Variants in TMEM144 observed in about 807,000 individuals in gnomAD.
TMEM144 encodes transmembrane protein 144.
Under a neutral mutation model 43.6 loss-of-function variants are expected in TMEM144, and 39 were observed. The ratio of observed to expected loss-of-function variants is 0.90; its 90% CI spans 0.69 to 1.17. The LOEUF (loss-of-function observed/expected upper bound fraction) is 1.17. TMEM144 is among the 50% of genes most tolerant of loss of function. The pLI, the probability that TMEM144 is intolerant of heterozygous loss-of-function variation, is 0.00. For synonymous variants in TMEM144, 154 were observed against 133.6 expected, an observed-to-expected ratio of 1.15 and a Z score of -1.06; for missense variants, 417 against 411.9, an observed-to-expected ratio of 1.01 and a Z score of -0.11.
intron 4 of TMEM144, among the ~76,000 whole-genome samples, chr4:158,216,860 A>G (rs1734248056): frequency 6.6e-6 from 1 of 152,126 alleles, no homozygotes; most frequent in Admixed American, 6.6e-5. Context: ...TTTGGCCCTC[A>G]GTGACCCTCA....
chr4:158,229,915 T>A (rs978206328), intron 6 of TMEM144, among the ~76,000 whole-genome samples: 1 of 151,784 alleles, frequency 6.6e-6, no homozygotes, highest in African/African-American at 2.4e-5. Flanking sequence ...CCAGGGAGCT[T>A]AGCGTGTTAG....
chr4:158,217,291 A>G (rs1454325298), intron 4 of TMEM144, 30 bp from the exon 5 acceptor site: 1 of 1,410,136 alleles, frequency 7.1e-7, no homozygotes, highest in Admixed American at 1.8e-5. Context: ...TATGGAAATA[A>G]CATGTTTCTT....
chr4:158,217,767 TC>T (rs1734301660), intron 5 of TMEM144, among the ~76,000 whole-genome samples: 2 of 152,164 alleles, frequency 1.3e-5, no homozygotes, highest in Admixed American at 1.3e-4. Flanking sequence ...GTAAGCACTA[TC>T]TTATAAGAGA....
intron 8 of TMEM144, chr4:158,237,226 A>T: frequency 3.8e-6 from 1 of 263,144 alleles, no homozygotes; most frequent in Non-Finnish European, 7.2e-6. Flanking sequence ...TGTACAATAT[A>T]ACTGTAGCAA....
At chr4:158,248,425 A>G (rs1253415726) in intron 12 of TMEM144, among the ~76,000 whole-genome samples, 4 of 152,188 alleles carry the variant, frequency 2.6e-5, no homozygotes, top group Non-Finnish European at 5.9e-5. Context: ...CTCTGTCTCA[A>G]AATAACTAAC....
At chr4:158,245,791 G>A (rs2111149920) in intron 12 of TMEM144, among the ~76,000 whole-genome samples, 1 of 152,104 alleles carries the variant, frequency 6.6e-6, no homozygotes, top group East Asian at 1.9e-4. Context: ...AGCCAGGTGT[G>A]GTGAGGAACA....
In TMEM144 at chr4:158,253,735, T is replaced by C; in HGVS notation, c.*208T>C. On this transcript the variant is annotated 3_prime_UTR_variant, in exon 13 of 13. Transcript: ENST00000296529. ...GTATAAAAATGAAAATTTCTTCTGA[T>C]GAACTGTTTATGAAGGTAGTACTTT... The C allele has an allele frequency of 1.8e-6, 1 of 547,320 alleles. No homozygotes were observed. Among genetic ancestry groups the C allele is most frequent in the Middle Eastern group, 3.8e-4 (1 of 2,648 alleles). The allele number at this position is 547,320 out of a possible 1,614,324, so 33.9% of individuals were successfully genotyped here.
At chr4:158,211,106 G>T (rs1459502035) in intron 1 of TMEM144, 1 of 152,166 alleles carries the variant, frequency 6.6e-6, no homozygotes, top group Non-Finnish European at 1.5e-5. Flanking sequence ...CCTTTTTAAA[G>T]ACAGTAAGTT....
chr4:158,219,248 T>G (rs1438408934), intron 5 of TMEM144, 62 bp from the exon 6 acceptor site: 4 of 1,566,144 alleles, frequency 2.6e-6, no homozygotes, highest in Non-Finnish European at 3.5e-6. Flanking sequence ...GTCCATGCCC[T>G]TAAACATTAT....
chr4:158,239,406 G>A (rs1735513377), intron 9 of TMEM144, among the ~76,000 whole-genome samples: 1 of 152,218 alleles, frequency 6.6e-6, no homozygotes, highest in African/African-American at 2.4e-5. Context: ...AGTCAGTGGA[G>A]TTGGGATTTT....
At position 158,245,007 on chromosome 4, in the gene TMEM144, T is replaced by G. The variant is rs546335072; in HGVS notation, c.954+658T>G. 1.1e-4 allele frequency among the ~76,000 whole-genome samples: 16 copies of G among 152,268 alleles called. No homozygotes were observed. The South Asian group carries it at 3.3e-3, about 32-fold the overall frequency. On this transcript the variant is annotated intron_variant, in intron 12 of 12. Coordinates refer to ENST00000296529, the MANE Select transcript of TMEM144 (RefSeq NM_018342.5). Reference sequence around the variant, plus strand: ...TGATAAACAAGATGAAAGATTTTTTTTTTATCCTAAAGGTTAAAGTATCCC... The same window carrying G: ...TGATAAACAAGATGAAAGATTTTTTGTTTATCCTAAAGGTTAAAGTATCCC...
At chr4:158,216,079 G>T (rs534443509) in intron 4 of TMEM144, among the ~76,000 whole-genome samples, 1 of 152,176 alleles carries the variant, frequency 6.6e-6, no homozygotes, top group Admixed American at 6.5e-5. Flanking sequence ...AAAAGAATTC[G>T]CTTTTAAATT....
At chr4:158,244,656 C>T (rs560567439) in intron 12 of TMEM144, among the ~76,000 whole-genome samples, 8 of 152,070 alleles carry the variant, frequency 5.3e-5, no homozygotes, top group East Asian at 3.9e-4. Flanking sequence ...GGCAAAAGAG[C>T]GAGACTCCAT....
At position 158,215,237 on chromosome 4, in the gene TMEM144, C is replaced by T. The variant is rs149733307; in HGVS notation, c.156C>T (p.Ala52=). ...TTTGTGCTGCCATATGGTTGGTTGC[C>T]TTGGTTGTCAATCTGATATTACATT... ...WVLCAAIWLV[A]LVVNLILHCP... is the part of the protein sequence containing the mutation. The change falls in exon 4 of 13, where the codon GCC becomes GCT. Residue 52 remains alanine, a synonymous_variant. Coordinates refer to ENST00000296529, the MANE Select transcript of TMEM144 (RefSeq NM_018342.5). 1.7e-4 allele frequency: 279 copies of T among 1,613,770 alleles called. No homozygotes were observed. In the Middle Eastern group the frequency reaches 1.8e-3, roughly 10 times the overall value.
chr4:158,216,755 G>T (rs1432706441), intron 4 of TMEM144, among the ~76,000 whole-genome samples: 2 of 152,076 alleles, frequency 1.3e-5, no homozygotes, highest in South Asian at 2.1e-4. Flanking sequence ...AAAAACAGGA[G>T]GAGACTCAAG....
intron 12 of TMEM144, among the ~76,000 whole-genome samples, chr4:158,249,933 T>C (rs1352514086): frequency 7.4e-6 from 1 of 135,986 alleles, no homozygotes; most frequent in Non-Finnish European, 1.6e-5. Flanking sequence ...TGTGTGTGTG[T>C]TTAAATAAGC....
chr4:158,225,816 C>T (rs906453714), intron 6 of TMEM144, among the ~76,000 whole-genome samples: 1 of 152,246 alleles, frequency 6.6e-6, no homozygotes, highest in African/African-American at 2.4e-5. Context: ...TCCTCCCTGT[C>T]GTGAGAGACA....
At chr4:158,225,217 T>C (rs1734703888) in intron 6 of TMEM144, among the ~76,000 whole-genome samples, 1 of 152,158 alleles carries the variant, frequency 6.6e-6, no homozygotes, top group Non-Finnish European at 1.5e-5. Context: ...GTCTAGTTGT[T>C]TTTTTTAGAG....
In TMEM144 at chr4:158,212,601, A is replaced by AT; in HGVS notation, c.-60-4dup. On this transcript the variant is annotated splice_region_variant and splice_polypyrimidine_tract_variant and intron_variant, in intron 2 of 12. Coordinates refer to ENST00000296529, the MANE Select transcript of TMEM144 (RefSeq NM_018342.5). ...TCTCAATTGTTTCATTTTTTCTTTT[A>AT]TTTCAGAAGCTCCTGAAAAGTACAT... is the stretch of plus-strand genomic sequence containing the variant. 1 of 1,157,582 alleles carries AT rather than the reference A, an allele frequency of 8.6e-7. No homozygotes were observed. 71.7% of individuals were successfully genotyped at this position (1,157,582 alleles called of 1,614,324 possible).
Sources: gnomAD v4.1 joint callset for allele counts (sites outside exome capture counted in the v4.1 genomes callset) on GRCh38, gnomAD v4.1.1 for gene constraint, MANE v1.5 for transcripts, NCBI Gene and HGNC (gene_info 2026-07-23, HGNC 2026-07-21) for gene names.